GRIK1: variants seen among roughly 807,000 people sequenced by gnomAD.
GRIK1 encodes glutamate ionotropic receptor kainate type subunit 1, also known as glutamate receptor ionotropic, kainate 1.
A neutral mutation model predicts 105.7 loss-of-function variants in GRIK1; 69 were observed. The observed-to-expected ratio is 0.65, with a 90% CI of 0.54 to 0.80. The LOEUF (loss-of-function observed/expected upper bound fraction) is 0.80, where lower values mean the gene tolerates loss of function less well. Ranked by LOEUF, GRIK1 falls within the 30% of genes least tolerant of loss-of-function variation. The pLI, the probability that GRIK1 is intolerant of heterozygous loss-of-function variation, is 0.00. For missense variants in GRIK1, 1,109 were observed against 1,167.3 expected (o/e 0.95, Z 0.73); for synonymous variants, 438 against 431.3 (o/e 1.02, Z -0.19).
At chr21:29,750,445 A>G (rs1445671095) in intron 1 of GRIK1, among the ~76,000 whole-genome samples, 1 of 152,182 alleles carries the variant, frequency 6.6e-6, no homozygotes, top group East Asian at 1.9e-4. Flanking sequence ...TCTGGTAGGG[A>G]GAAAAGATGT....
intron 1 of GRIK1, among the ~76,000 whole-genome samples, chr21:29,889,108 A>G (rs773054453): frequency 2.6e-5 from 4 of 152,182 alleles, no homozygotes; most frequent in Admixed American, 6.5e-5. Flanking sequence ...TACTTGAAAC[A>G]AAGTAGGTCA....
chr21:29,841,726 T>G (rs1376547906), intron 1 of GRIK1, among the ~76,000 whole-genome samples: 1 of 152,156 alleles, frequency 6.6e-6, no homozygotes, highest in Non-Finnish European at 1.5e-5. Context: ...TGCAAAAGAA[T>G]GGACAAGGTA....
chr21:29,667,519 G>A (rs534525178), intron 4 of GRIK1, among the ~76,000 whole-genome samples: 9 of 152,272 alleles, frequency 5.9e-5, no homozygotes, highest in East Asian at 5.8e-4. Flanking sequence ...ATGCAATATA[G>A]CTGTACAAAC....
chr21:29,619,123 CAAAAAAA>C (rs35003722), intron 7 of GRIK1, among the ~76,000 whole-genome samples: 1 of 81,682 alleles, frequency 1.2e-5, no homozygotes, highest in East Asian at 3.6e-4. Flanking sequence ...GAGACTCCGT[CAAAAAAA>C]AAAAAAAAAA....
At chr21:29,907,176 A>G (rs1461287179) in intron 1 of GRIK1, among the ~76,000 whole-genome samples, 1 of 151,974 alleles carries the variant, frequency 6.6e-6, no homozygotes. Flanking sequence ...TACAGAAAAA[A>G]AAAAGAATTC....
At chr21:29,635,972 A>G (rs1449910781) in intron 7 of GRIK1, among the ~76,000 whole-genome samples, 1 of 152,224 alleles carries the variant, frequency 6.6e-6, no homozygotes, top group Non-Finnish European at 1.5e-5. Flanking sequence ...AAAAAGAATT[A>G]GCTTCAGAAA....
chr21:29,921,441 A>G (rs941558382), intron 1 of GRIK1, among the ~76,000 whole-genome samples: 1 of 152,206 alleles, frequency 6.6e-6, no homozygotes, highest in African/African-American at 2.4e-5. Flanking sequence ...CATGGTTAAA[A>G]AAGTATCTTA....
intron 1 of GRIK1, among the ~76,000 whole-genome samples, chr21:29,742,129 C>T (rs949887829): frequency 6.6e-6 from 1 of 152,154 alleles, no homozygotes; most frequent in Non-Finnish European, 1.5e-5. Flanking sequence ...TCTAATTCTG[C>T]AAAGTCTTTG....
chr21:29,566,345 C>A (rs927039344), intron 14 of GRIK1, among the ~76,000 whole-genome samples: 2 of 152,152 alleles, frequency 1.3e-5, no homozygotes, highest in Non-Finnish European at 2.9e-5. Context: ...GTTGCTAAAA[C>A]TGAAAAAGCC....
chr21:29,702,192 G>A (rs142024960), intron 1 of GRIK1, among the ~76,000 whole-genome samples: 183 of 152,160 alleles, frequency 1.2e-3, no homozygotes, highest in African/African-American at 4.3e-3. Flanking sequence ...TAACTAATGG[G>A]TACTAGGCTT....
chr21:29,703,267 A>G (rs923774499), intron 1 of GRIK1, among the ~76,000 whole-genome samples: 1 of 152,222 alleles, frequency 6.6e-6, no homozygotes, highest in African/African-American at 2.4e-5. Flanking sequence ...GTCATCCAGG[A>G]AGAAAGGTAA....
chr21:29,697,995 CTCTT>C (rs770604339), intron 1 of GRIK1, among the ~76,000 whole-genome samples: 121 of 135,646 alleles, frequency 8.9e-4, no homozygotes, highest in Middle Eastern at 3.9e-3. Flanking sequence ...TTCTTTCTTT[CTCTT>C]TCTTTCTTTC....
intron 1 of GRIK1, among the ~76,000 whole-genome samples, chr21:29,696,176 T>G (rs2063698446): frequency 6.6e-6 from 1 of 152,224 alleles, no homozygotes; most frequent in Non-Finnish European, 1.5e-5. Context: ...TTGGAAATAT[T>G]TCGGGCTTTT....
At chr21:29,816,674 G>A (rs914442105) in intron 1 of GRIK1, among the ~76,000 whole-genome samples, 2 of 152,104 alleles carry the variant, frequency 1.3e-5, no homozygotes, top group African/African-American at 4.8e-5. Flanking sequence ...ATTATGTTAA[G>A]TAAAATAAGC....
chr21:29,553,651 G>C, intron 16 of GRIK1: 1 of 1,608,622 alleles, frequency 6.2e-7, no homozygotes. Context: ...TTCCAGAAGT[G>C]GAGTTGGTTG....
intron 1 of GRIK1, among the ~76,000 whole-genome samples, chr21:29,875,378 T>G (rs1569181319): frequency 6.6e-6 from 1 of 152,130 alleles, no homozygotes; most frequent in Non-Finnish European, 1.5e-5. Flanking sequence ...GAGAGCTGGA[T>G]TTTGCTCCAA....
At chr21:29,831,470 T>A (rs1473424671) in intron 1 of GRIK1, among the ~76,000 whole-genome samples, 2 of 152,134 alleles carry the variant, frequency 1.3e-5, no homozygotes, top group African/African-American at 4.8e-5. Context: ...AAAAAAGGCT[T>A]AATTGACTCA....
intron 4 of GRIK1, among the ~76,000 whole-genome samples, chr21:29,658,147 C>T (rs577109907): frequency 6.6e-6 from 1 of 152,182 alleles, no homozygotes; most frequent in South Asian, 2.1e-4. Flanking sequence ...GAAAACACTT[C>T]ATGTCACACA....
Position 29,758,112 on chromosome 21 carries a change from G to A in GRIK1, c.119-64049C>T, listed in dbSNP as rs139536024. Among the ~76,000 whole-genome samples, 559 of 152,312 alleles carry A rather than the reference G, an allele frequency of 3.7e-3. 8 individuals are homozygous for A. The highest frequency in any genetic ancestry group is 0.013 in the African/African-American group (520 of 41,570). The stretch of plus-strand genomic sequence containing the variant: ...TACTGGAGCCACATTCCATTGGCCA[G>A]AATTTAGTCATCCATGCCCACCTAA... On this transcript the variant is annotated intron_variant, in intron 1 of 17. Coordinates refer to ENST00000327783, the MANE Select transcript of GRIK1 (RefSeq NM_001330994.2).
Sources: gnomAD v4.1 joint callset for allele counts (sites outside exome capture counted in the v4.1 genomes callset) on GRCh38, gnomAD v4.1.1 for gene constraint, MANE v1.5 for transcripts, NCBI Gene and HGNC (gene_info 2026-07-23, HGNC 2026-07-21) for gene names.